NSUN4: variants seen among roughly 807,000 people sequenced by gnomAD.
NSUN4 encodes 5-cytosine rRNA methyltransferase NSUN4.
NSUN4 carries 31 observed loss-of-function variants against 43.8 expected under a neutral mutation model. The ratio of observed to expected loss-of-function variants is 0.71; its 90% CI spans 0.53 to 0.96. The LOEUF is 0.96. Ranked by LOEUF, NSUN4 falls within the 40% of genes least tolerant of loss-of-function variation. NSUN4 has a pLI of 0.00. For missense variants in NSUN4, 439 were observed against 475.6 expected (o/e 0.92, Z 0.72); for synonymous variants, 167 against 184.1 (o/e 0.91, Z 0.75).
the NSUN4 span, among the ~76,000 whole-genome samples, chr1:46,384,910 TA>T: frequency 6.6e-6 from 1 of 152,206 alleles, no homozygotes; most frequent in Non-Finnish European, 1.5e-5. Flanking sequence ...CCTCTTGTTT[TA>T]AGGGAAGAGA....
downstream of NSUN4, among the ~76,000 whole-genome samples, chr1:46,365,411 C>T (rs1664111307): frequency 6.6e-6 from 1 of 152,160 alleles, no homozygotes; most frequent in East Asian, 1.9e-4. Context: ...GCAATCTCAG[C>T]TCACTGCAAC....
Position 46,353,009 on chromosome 1 carries a change from A to AG in NSUN4, c.739dup (p.Asp247GlyfsTer4), listed in dbSNP as rs1371018346. On this transcript the variant is annotated frameshift_variant, in exon 4 of 6. Transcript: ENST00000474844. LOFTEE classifies it high-confidence loss of function. Reference sequence around the variant, plus strand: ...GATGGCAGGAAATGGGGAGAACTGGAGGGGGACACCTATGACCGGGTGAGT... The same window carrying AG: ...GATGGCAGGAAATGGGGAGAACTGGAGGGGGGACACCTATGACCGGGTGAGT... 4 of 1,614,034 alleles carry AG rather than the reference A, an allele frequency of 2.5e-6. No homozygotes were observed. The highest frequency in any genetic ancestry group is 3.4e-6 in the Non-Finnish European group (4 of 1,179,956).
At chr1:46,347,387 GA>G (rs1662592460) in intron 3 of NSUN4, among the ~76,000 whole-genome samples, 2 of 152,172 alleles carry the variant, frequency 1.3e-5, no homozygotes, top group African/African-American at 4.8e-5. Flanking sequence ...ACAATGAGCT[GA>G]GATCCTGCCA....
intron 3 of NSUN4, among the ~76,000 whole-genome samples, chr1:46,351,134 C>T (rs324413): frequency 1.3e-5 from 2 of 152,044 alleles, no homozygotes; most frequent in African/African-American, 4.8e-5. Flanking sequence ...GGGAGGCCGA[C>T]GCAGGCAGAT....
intron 3 of NSUN4, among the ~76,000 whole-genome samples, chr1:46,348,357 G>A (rs111353779): frequency 0.04 from 6,147 of 152,242 alleles, 440 homozygotes; most frequent in African/African-American, 0.14. Flanking sequence ...CATGGGTATC[G>A]CCCTTGCAAC....
chr1:46,371,497 G>A, the NSUN4 span, among the ~76,000 whole-genome samples: 1 of 152,154 alleles, frequency 6.6e-6, no homozygotes, highest in Middle Eastern at 3.4e-3. Flanking sequence ...TAGTAGAGAC[G>A]GGGTTTTACC....
At chr1:46,343,563 C>T (rs1012314193) in intron 1 of NSUN4, 7 of 400,074 alleles carry the variant, frequency 1.7e-5, no homozygotes, top group African/African-American at 4.1e-5. Context: ...AAGCCAAAGC[C>T]GGAGCCAAAG....
the NSUN4 span, among the ~76,000 whole-genome samples, chr1:46,380,900 T>G: frequency 1.3e-5 from 2 of 152,200 alleles, no homozygotes; most frequent in African/African-American, 4.8e-5. Context: ...ACTATACATA[T>G]GCTAGGCCCT....
intron 3 of NSUN4, 86 bp downstream of exon 3, chr1:46,347,161 G>T: frequency 7.2e-7 from 1 of 1,382,258 alleles, no homozygotes; most frequent in South Asian, 1.4e-5. Context: ...GGTTCGGCCA[G>T]GCGCAGTGGC....
chr1:46,377,328 G>A, the NSUN4 span, among the ~76,000 whole-genome samples: 1 of 152,196 alleles, frequency 6.6e-6, no homozygotes, highest in Non-Finnish European at 1.5e-5. Flanking sequence ...GAGATTACAG[G>A]CGTGAGCCAC....
the NSUN4 span, among the ~76,000 whole-genome samples, chr1:46,372,374 AC>A: frequency 6.6e-6 from 1 of 150,386 alleles, no homozygotes; most frequent in Non-Finnish European, 1.5e-5. Context: ...CGCTCTCCTG[AC>A]CTCGTGATCC....
At chr1:46,366,276 A>G (rs17361866), downstream of NSUN4, among the ~76,000 whole-genome samples, 712 of 152,356 alleles carry the variant, frequency 4.7e-3, 1 homozygote, top group Non-Finnish European at 6.8e-3. Context: ...ACATGTATGC[A>G]GTAAAACCAT....
chr1:46,341,798 T>C, intron 1 of NSUN4: 1 of 1,232,592 alleles, frequency 8.1e-7, no homozygotes. Context: ...GGTCACCCCC[T>C]CTCTGTCAGC....
intron 1 of NSUN4, chr1:46,342,917 G>C: frequency 2.5e-6 from 1 of 399,886 alleles, no homozygotes; most frequent in Admixed American, 4.4e-5. Flanking sequence ...CTTGTATGCA[G>C]CCATACATCA....
chr1:46,379,677 A>G, the NSUN4 span, among the ~76,000 whole-genome samples: 2 of 152,106 alleles, frequency 1.3e-5, no homozygotes, highest in African/African-American at 4.8e-5. Flanking sequence ...GTAATTTATA[A>G]AAGAGTGGAA....
chr1:46,347,101 G>T (rs1477579293), intron 3 of NSUN4, 26 bp downstream of exon 3: 2 of 1,605,890 alleles, frequency 1.2e-6, no homozygotes, highest in Admixed American at 3.4e-5. Context: ...GGTGTGTTGG[G>T]CAGAGAGAGC....
the NSUN4 span, among the ~76,000 whole-genome samples, chr1:46,375,839 G>A: frequency 0.22 from 33,874 of 151,522 alleles, 4,242 homozygotes; most frequent in Non-Finnish European, 0.29. Flanking sequence ...GGGCGCGGTG[G>A]CTCACGCCTG....
the NSUN4 span, among the ~76,000 whole-genome samples, chr1:46,377,768 T>A: frequency 1.3e-5 from 2 of 152,224 alleles, no homozygotes; most frequent in Admixed American, 6.5e-5. Context: ...GAACATTAAG[T>A]CATTTAATTC....
downstream of NSUN4, among the ~76,000 whole-genome samples, chr1:46,366,246 T>G (rs1482522607): frequency 6.6e-6 from 1 of 152,092 alleles, no homozygotes; most frequent in Non-Finnish European, 1.5e-5. Context: ...CAATTAAGAA[T>G]TTAAAAACAT....
Sources: allele counts gnomAD v4.1 joint callset (sites outside exome capture counted in the v4.1 genomes callset), GRCh38; gene constraint gnomAD v4.1.1; transcripts MANE v1.5; gene names NCBI Gene and HGNC (gene_info 2026-07-23, HGNC 2026-07-21).